The following CEP128 variants were observed in gnomAD, a reference collection of about 807,000 sequenced individuals.
CEP128 encodes the protein centrosomal protein 128kDa.
CEP128 carries 132 observed loss-of-function variants against 156.7 expected under a neutral mutation model. That is an observed-to-expected ratio of 0.84 (90% CI 0.73 to 0.97). The LOEUF (loss-of-function observed/expected upper bound fraction) is 0.97, where lower values mean the gene tolerates loss of function less well. Ranked by LOEUF, CEP128 falls within the 50% of genes least tolerant of loss-of-function variation. The pLI is 0.00. For synonymous variants in CEP128, 469 were observed against 448.9 expected (o/e 1.04, Z -0.57); for missense variants, 1,252 against 1,281.9 (o/e 0.98, Z 0.36).
chr14:80,527,059 G>T, intron 22 of CEP128, 77 bp from the exon 23 acceptor site: 1 of 685,312 alleles, frequency 1.5e-6, no homozygotes, highest in Non-Finnish European at 2.5e-6. Context: ...GTAAGAAAGA[G>T]TCTATATGTA....
chr14:80,709,374 G>A (rs113065844), intron 19 of CEP128, among the ~76,000 whole-genome samples: 12 of 152,246 alleles, frequency 7.9e-5, no homozygotes, highest in African/African-American at 2.6e-4. Context: ...CTGACCTCAG[G>A]TGATCCATCT....
chr14:80,909,410 C>T (rs910500701), intron 4 of CEP128, among the ~76,000 whole-genome samples: 1 of 151,314 alleles, frequency 6.6e-6, no homozygotes, highest in East Asian at 1.9e-4. Context: ...CACACGCAAA[C>T]TCCCTGCCAC....
intron 14 of CEP128, among the ~76,000 whole-genome samples, chr14:80,789,180 A>G (rs952148698): frequency 3.3e-5 from 5 of 152,202 alleles, no homozygotes; most frequent in Admixed American, 1.3e-4. Flanking sequence ...GAACAACATC[A>G]AAGTAGCTTT....
At chr14:80,593,794 T>C (rs1334089805) in intron 19 of CEP128, among the ~76,000 whole-genome samples, 1 of 152,066 alleles carries the variant, frequency 6.6e-6, no homozygotes, top group Non-Finnish European at 1.5e-5. Context: ...CAAGGAGAAC[T>C]ACAAACCACT....
chr14:80,948,158 T>C (rs1230973807), intron 2 of CEP128, among the ~76,000 whole-genome samples: 1 of 152,178 alleles, frequency 6.6e-6, no homozygotes, highest in Non-Finnish European at 1.5e-5. Context: ...AGTGGTGAAA[T>C]TCACTCTCTT....
chr14:80,545,758 A>G (rs1351470681), intron 21 of CEP128, among the ~76,000 whole-genome samples: 2 of 152,214 alleles, frequency 1.3e-5, no homozygotes, highest in African/African-American at 4.8e-5. Context: ...GTTAATGAGT[A>G]GGACAAAATC....
chr14:80,791,809 T>A lies in CEP128; in HGVS notation c.1560+951A>T, dbSNP rs370227225. 6.0e-4 allele frequency among the ~76,000 whole-genome samples: 91 copies of A among 152,348 alleles called. 3 individuals are homozygous for A. The South Asian group carries it at 0.018, about 31-fold the overall frequency. ...AAATTCATATGTAAAAGATAAAGCA[T>A]CTTTTCCATGACAGCTCATCTGAAA... is the stretch of plus-strand genomic sequence containing the variant. On this transcript the variant is annotated intron_variant, in intron 14 of 24. Coordinates refer to ENST00000555265, the MANE Select transcript of CEP128 (RefSeq NM_152446.5).
rs774867564 is a variant in CEP128, at chr14:80,916,508, G to A, written c.40C>T (p.Arg14Cys). The A allele has an allele frequency of 9.3e-6, 15 of 1,613,776 alleles. No homozygotes were observed. The African/African-American group carries it at 9.3e-5, about 10-fold the overall frequency. Residue 14 changes from arginine to cysteine, a missense_variant, in exon 3 of 25, where the codon CGT becomes TGT. Coordinates refer to ENST00000555265, the MANE Select transcript of CEP128 (RefSeq NM_152446.5). ...GCAGCCCATGGACTCAATCGGTCAC[G>A]ACAGCGGAAGTGATCTGATTCGCTG... ...SSSESDHFRCRDRLSPWAARS... is the reference protein window; with the variant it reads ...SSSESDHFRCCDRLSPWAARS...
Position 80,696,893 on chromosome 14 carries a change from T to A in CEP128, c.2806+46182A>T, listed in dbSNP as rs539972649. The stretch of plus-strand genomic sequence containing the variant: ...CGTCGTTTCTTTGTATTTGCTTGGC[T>A]GTGTTGTGACAGAACAGACTTGAGC... On this transcript the variant is annotated intron_variant, in intron 19 of 24. Coordinates refer to ENST00000555265, the MANE Select transcript of CEP128 (RefSeq NM_152446.5). Among the ~76,000 whole-genome samples, 6 of 152,122 alleles carry A rather than the reference T, an allele frequency of 3.9e-5. No homozygotes were observed. The South Asian group carries it at 1.2e-3, about 32-fold the overall frequency.
intron 19 of CEP128, among the ~76,000 whole-genome samples, chr14:80,730,993 T>G (rs1898246312): frequency 1.3e-5 from 2 of 152,230 alleles, no homozygotes; most frequent in South Asian, 4.1e-4. Flanking sequence ...ACAAAGGAGT[T>G]AATGTCTAAC....
chr14:80,910,139 A>G (rs1186550248), intron 4 of CEP128, among the ~76,000 whole-genome samples: 1 of 152,234 alleles, frequency 6.6e-6, no homozygotes, highest in Non-Finnish European at 1.5e-5. Flanking sequence ...TATAATGTAT[A>G]TTAATATCTC....
intron 23 of CEP128, among the ~76,000 whole-genome samples, chr14:80,513,960 C>A (rs1236643436): frequency 1.3e-5 from 2 of 152,080 alleles, no homozygotes; most frequent in African/African-American, 2.4e-5. Flanking sequence ...AGCCTAGCAC[C>A]TTTTAACGAT....
rs200872282 is a variant in CEP128 at position 80,785,183 on chromosome 14, A to G, written c.1923T>C (p.Ser641=). 2.5e-5 allele frequency: 40 copies of G among 1,614,016 alleles called. No homozygotes were observed. Among genetic ancestry groups the G allele is most frequent in the Admixed American group, 1.5e-4 (9 of 59,994 alleles). The part of the protein sequence containing the change: ...LEMQESIKDL[S]AIRADLANKL... Reference sequence around the variant, plus strand: ...TATTAGCAAGATCTGCTCGGATGGCACTCAGGTCCTTGATGGACTCTTGCA... The same window carrying G: ...TATTAGCAAGATCTGCTCGGATGGCGCTCAGGTCCTTGATGGACTCTTGCA... The change falls in exon 15 of 25, where the codon AGT becomes AGC. Residue 641 remains serine, a synonymous_variant. Coordinates refer to ENST00000555265, the MANE Select transcript of CEP128 (RefSeq NM_152446.5).
intron 8 of CEP128, among the ~76,000 whole-genome samples, chr14:80,888,503 C>A (rs2139357713): frequency 6.6e-6 from 1 of 152,302 alleles, no homozygotes; most frequent in South Asian, 2.1e-4. Flanking sequence ...CATAATCCAT[C>A]ACATAAACAA....
chr14:80,944,017 A>G (rs1886267399), upstream of CEP128, among the ~76,000 whole-genome samples: 1 of 151,878 alleles, frequency 6.6e-6, no homozygotes, highest in South Asian at 2.1e-4. Flanking sequence ...AAAGTAGTGA[A>G]GTCACATCAC....
intron 19 of CEP128, among the ~76,000 whole-genome samples, chr14:80,736,231 T>C (rs1348272024): frequency 1.3e-5 from 2 of 148,610 alleles, no homozygotes; most frequent in Non-Finnish European, 3.0e-5. Flanking sequence ...CTGCATTTGT[T>C]TTAAGGTAGC....
At chr14:80,904,790 A>G in intron 6 of CEP128, 23 bp downstream of exon 6, 1 of 1,247,828 alleles carries the variant, frequency 8.0e-7, no homozygotes, top group African/African-American at 1.5e-5. Context: ...ACTGCACACA[A>G]ATTACAGAAT....
chr14:80,932,118 G>C (rs1209827012), intron 2 of CEP128, among the ~76,000 whole-genome samples: 2 of 152,198 alleles, frequency 1.3e-5, no homozygotes, highest in African/African-American at 4.8e-5. Flanking sequence ...TCTCTCTCCT[G>C]ATGCCATGTG....
intron 19 of CEP128, among the ~76,000 whole-genome samples, chr14:80,616,901 A>G (rs1893236730): frequency 2.0e-5 from 3 of 152,204 alleles, no homozygotes; most frequent in African/African-American, 7.2e-5. Flanking sequence ...GAAATGATAT[A>G]ATAAAAGTTC....
Sources: allele counts gnomAD v4.1 joint callset (sites outside exome capture counted in the v4.1 genomes callset), GRCh38; gene constraint gnomAD v4.1.1; transcripts MANE v1.5; gene names NCBI Gene and HGNC (gene_info 2026-07-23, HGNC 2026-07-21).